ZSCAN23: variants seen among roughly 807,000 people sequenced by gnomAD.
ZSCAN23 encodes zinc finger and SCAN domain-containing protein 23.
In ZSCAN23, 19 loss-of-function variants were observed where a neutral mutation model predicts 19.3. The ratio of observed to expected loss-of-function variants is 0.99; its 90% CI spans 0.69 to 1.45. The LOEUF is 1.45. ZSCAN23 is among the 40% of genes most tolerant of loss of function. The pLI is 0.00. For missense variants in ZSCAN23, 372 were observed against 462.5 expected (o/e 0.80, Z 1.79); for synonymous variants, 140 against 166.2 (o/e 0.84, Z 1.21).
intron 1 of ZSCAN23, among the ~76,000 whole-genome samples, chr6:28,443,190 G>A (rs962610864): frequency 6.6e-6 from 1 of 152,168 alleles, no homozygotes; most frequent in Non-Finnish European, 1.5e-5. Context: ...AACAGACATA[G>A]GGTGGGGGAA....
chr6:28,436,389 C>T, intron 1 of ZSCAN23, 46 bp from the exon 2 acceptor site: 1 of 1,109,780 alleles, frequency 9.0e-7, no homozygotes, highest in South Asian at 1.8e-5. Context: ...TGCAGAAAAC[C>T]TCAGGACAAG....
chr6:28,421,716 C>G, the ZSCAN23 span, among the ~76,000 whole-genome samples: 1 of 152,146 alleles, frequency 6.6e-6, no homozygotes, highest in Non-Finnish European at 1.5e-5. Flanking sequence ...CAGCAAAACC[C>G]ATGCTGTGTG....
downstream of ZSCAN23, among the ~76,000 whole-genome samples, chr6:28,431,104 TG>T (rs1286861156): frequency 1.7e-5 from 2 of 121,172 alleles, no homozygotes; most frequent in African/African-American, 3.1e-5. Flanking sequence ...AGGGGCGGGA[TG>T]GGGGGGCCCT....
At chr6:28,442,815 G>A (rs1762027906) in intron 1 of ZSCAN23, among the ~76,000 whole-genome samples, 1 of 152,160 alleles carries the variant, frequency 6.6e-6, no homozygotes, top group Non-Finnish European at 1.5e-5. Flanking sequence ...TTTAAAAAGG[G>A]GCGGGACAGA....
the ZSCAN23 span, among the ~76,000 whole-genome samples, chr6:28,421,840 T>C: frequency 6.6e-6 from 1 of 152,146 alleles, no homozygotes; most frequent in African/African-American, 2.4e-5. Context: ...CCCATCACAA[T>C]GTGTTTTCTT....
the ZSCAN23 span, among the ~76,000 whole-genome samples, chr6:28,426,879 C>T: frequency 2.0e-5 from 3 of 152,182 alleles, no homozygotes; most frequent in Non-Finnish European, 4.4e-5. Context: ...GGCGCGATCT[C>T]GGCTCACTGC....
rs1452609407 is a variant in ZSCAN23, at chr6:28,434,949, G to GT, written c.685dup (p.Thr229AsnfsTer3). ...TTCCAATCTGCCCTCACGGTCACAG[G>GT]TATCTCCATACTCAGGAATCTGAGT... On this transcript the variant is annotated frameshift_variant, in exon 4 of 4. Transcript: ENST00000289788. LOFTEE classifies it low-confidence loss of function (END_TRUNC). 2 of 1,551,928 alleles carry GT rather than the reference G, an allele frequency of 1.3e-6. No homozygotes were observed. Among genetic ancestry groups the GT allele is most frequent in the South Asian group, 2.4e-5 (2 of 84,058 alleles).
intron 1 of ZSCAN23, among the ~76,000 whole-genome samples, chr6:28,438,738 G>A (rs56001748): frequency 0.068 from 10,311 of 152,130 alleles, 414 homozygotes; most frequent in South Asian, 0.17. Context: ...TAATTAAATT[G>A]TCTCCTACCG....
At chr6:28,427,074 T>A (rs528252418), downstream of ZSCAN23, among the ~76,000 whole-genome samples, 72 of 152,344 alleles carry the variant, frequency 4.7e-4, 1 homozygote, top group African/African-American at 1.7e-3. Flanking sequence ...ATTACAGGCA[T>A]GAGCCACCGC....
At chr6:28,442,675 T>A (rs1215405695) in intron 1 of ZSCAN23, among the ~76,000 whole-genome samples, 1 of 152,248 alleles carries the variant, frequency 6.6e-6, no homozygotes, top group Admixed American at 6.5e-5. Context: ...AGAGTGGAGT[T>A]AGCATAGCAA....
In ZSCAN23 at chr6:28,436,382, A is replaced by C. The variant is rs937272200; in HGVS notation, c.-77-39T>G. 5 of 1,140,636 alleles carry C rather than the reference A, an allele frequency of 4.4e-6. No homozygotes were observed. The African/African-American group carries it at 4.7e-5, about 11-fold the overall frequency. 70.7% of individuals were successfully genotyped at this position (1,140,636 alleles called of 1,614,324 possible). ...TACGAAGAAAAAAATATAAAAATGC[A>C]GAAAACCTCAGGACAAGGAGGGACT... On this transcript the variant is annotated intron_variant, in intron 1 of 3. Transcript: ENST00000289788.
At chr6:28,426,509 G>T in the ZSCAN23 span, among the ~76,000 whole-genome samples, 1 of 152,022 alleles carries the variant, frequency 6.6e-6, no homozygotes, top group African/African-American at 2.4e-5. Context: ...GGTTAGCGGT[G>T]CCCCAAAACA....
the ZSCAN23 span, among the ~76,000 whole-genome samples, chr6:28,424,026 G>A: frequency 6.6e-6 from 1 of 152,290 alleles, no homozygotes; most frequent in South Asian, 2.1e-4. Context: ...AACAATAGGT[G>A]CAAAAAGTAA....
intron 1 of ZSCAN23, among the ~76,000 whole-genome samples, chr6:28,439,311 A>C (rs1308844762): frequency 6.6e-6 from 1 of 151,130 alleles, no homozygotes; most frequent in Non-Finnish European, 1.5e-5. Context: ...CTGGTTTCGA[A>C]CTCCTGACCT....
chr6:28,428,580 A>T (rs1329479577), downstream of ZSCAN23, among the ~76,000 whole-genome samples: 1 of 152,180 alleles, frequency 6.6e-6, no homozygotes, highest in African/African-American at 2.4e-5. Context: ...CCAGTGACTT[A>T]CTTTCACCAA....
chr6:28,436,324 T>TTATG lies in ZSCAN23; in HGVS notation c.-59_-58insCATA. The TTATG allele has an allele frequency of 7.3e-7, 1 of 1,376,742 alleles. No individual in the cohort carries two copies. The allele number at this position is 1,376,742 out of a possible 1,614,324, so 85.3% of individuals were successfully genotyped here. On this transcript the variant is annotated 5_prime_UTR_variant, in exon 2 of 4. It removes the in-frame stop codon of an upstream open reading frame in the 5' UTR. Coordinates refer to ENST00000289788, the MANE Select transcript of ZSCAN23 (RefSeq NM_001012455.2). ...TCTTGATAATTCTCCCTTGATCTTT[T>TTATG]CTTCTGGAAACCCCGAGATCTAGAC...
Position 28,435,993 on chromosome 6 carries a change from C to A in ZSCAN23, c.274G>T (p.Val92Leu), listed in dbSNP as rs941883677. The change falls in exon 2 of 4, where the codon GTG becomes TTG. Residue 92 changes from valine (V) to leucine (L), a missense_variant. By Grantham distance (32) the Val-to-Leu change is conservative (BLOSUM62 1). Coordinates refer to ENST00000289788, the MANE Select transcript of ZSCAN23 (RefSeq NM_001012455.2). Reference sequence around the variant, plus strand: ...AGGATAGTCAGGAACTGCTCCAGCACCAGCAGCTCTAGGATCTGCTCCTTG... The same window carrying A: ...AGGATAGTCAGGAACTGCTCCAGCAACAGCAGCTCTAGGATCTGCTCCTTG... Reference protein sequence around the residue: ...HTKEQILELLVLEQFLTILPE... With the variant: ...HTKEQILELLLLEQFLTILPE... 1 of 1,614,108 alleles carries A rather than the reference C, an allele frequency of 6.2e-7. No homozygotes were observed. Among genetic ancestry groups the A allele is most frequent in the African/African-American group, 1.3e-5 (1 of 74,928 alleles).
intron 1 of ZSCAN23, among the ~76,000 whole-genome samples, chr6:28,442,148 A>G (rs1275035388): frequency 6.6e-6 from 1 of 152,126 alleles, no homozygotes; most frequent in East Asian, 1.9e-4. Context: ...AAGTGCTGGG[A>G]TTACAGGCAT....
rs1482435235 is a variant in ZSCAN23 at position 28,436,187 on chromosome 6, T to G, written c.80A>C (p.Glu27Ala). Residue 27 changes from glutamate to alanine, a missense_variant, in exon 2 of 4, where the codon GAA becomes GCA. Coordinates refer to ENST00000289788, the MANE Select transcript of ZSCAN23 (RefSeq NM_001012455.2). The part of the protein sequence containing the change: ...LAVKVKEEEE[E>A]HSCGPESGLS... ...GCCTGATTCTGGCCCACAGGAATGT[T>G]CCTCCTCTTCCTCCTTTACCTTCAC... is the stretch of plus-strand genomic sequence containing the variant. 6.4e-7 allele frequency: 1 copy of G among 1,554,928 alleles called. No individual in the cohort carries two copies. Among genetic ancestry groups the G allele is most frequent in the Non-Finnish European group, 8.7e-7 (1 of 1,148,744 alleles).
Sources: gnomAD v4.1 joint callset for allele counts (sites outside exome capture counted in the v4.1 genomes callset) on GRCh38, gnomAD v4.1.1 for gene constraint, MANE v1.5 for transcripts, NCBI Gene and HGNC (gene_info 2026-07-23, HGNC 2026-07-21) for gene names.